ABI2: variants seen among roughly 807,000 people sequenced by gnomAD.
ABI2 encodes abl interactor 2.
In ABI2, 25 loss-of-function variants were observed where a neutral mutation model predicts 59.2. The ratio of observed to expected loss-of-function variants is 0.42; its 90% CI spans 0.31 to 0.59. The LOEUF (loss-of-function observed/expected upper bound fraction) is 0.59, where lower values mean the gene tolerates loss of function less well. Among genes scored for constraint, ABI2 ranks in the 20% least tolerant of loss-of-function variants. The pLI, the probability that ABI2 is intolerant of heterozygous loss-of-function variation, is 0.14. For missense variants in ABI2, 545 were observed against 681.8 expected (o/e 0.80, Z 2.23); for synonymous variants, 213 against 235.5 (o/e 0.90, Z 0.87).
At chr2:203,334,377 T>C (rs1228141639) in intron 1 of ABI2, among the ~76,000 whole-genome samples, 3 of 152,182 alleles carry the variant, frequency 2.0e-5, no homozygotes, top group Non-Finnish European at 4.4e-5. Context: ...AAATATGTAG[T>C]AGAGATATTT....
intron 11 of ABI2, among the ~76,000 whole-genome samples, chr2:203,421,183 G>A (rs2098189595): frequency 6.6e-6 from 1 of 152,106 alleles, no homozygotes; most frequent in Non-Finnish European, 1.5e-5. Flanking sequence ...AGAGTGCATT[G>A]GAGAGGAAAA....
chr2:203,379,036 A>T (rs10197623), intron 2 of ABI2, among the ~76,000 whole-genome samples: 32,255 of 152,112 alleles, frequency 0.21, 3,806 homozygotes, highest in Non-Finnish European at 0.26. Context: ...AGTTTAAAAA[A>T]TTTTGCTTTA....
intron 9 of ABI2, among the ~76,000 whole-genome samples, chr2:203,403,742 GTT>G (rs56123341): frequency 3.1e-5 from 3 of 95,302 alleles, no homozygotes; most frequent in Admixed American, 2.8e-4. Context: ...CTTTCTTTCT[GTT>G]TTTTTTTTTT....
intron 5 of ABI2, 152 bp from the exon 6 acceptor site, chr2:203,394,548 A>T: frequency 3.0e-6 from 2 of 671,046 alleles, no homozygotes; most frequent in South Asian, 2.0e-5. Flanking sequence ...GAGAAGTGAT[A>T]CATTAGTAAA....
At chr2:203,425,883 G>T (rs1193630597) in intron 11 of ABI2, among the ~76,000 whole-genome samples, 1 of 151,866 alleles carries the variant, frequency 6.6e-6, no homozygotes, top group Non-Finnish European at 1.5e-5. Context: ...TTAGCTGTGC[G>T]TGGTGGTGGG....
At chr2:203,384,290 G>GTTTTTTTT (rs796117154) in intron 4 of ABI2, among the ~76,000 whole-genome samples, 1 of 26,110 alleles carries the variant, frequency 3.8e-5, no homozygotes, top group African/African-American at 1.6e-4. Context: ...TTTTGTTTTT[G>GTTTTTTTT]TTTTTTTTTT....
chr2:203,369,015 T>C (rs968695341), intron 2 of ABI2, among the ~76,000 whole-genome samples: 1 of 103,410 alleles, frequency 9.7e-6, no homozygotes, highest in Non-Finnish European at 1.9e-5. Flanking sequence ...TTTTTTTTTT[T>C]TGTAGAGACA....
chr2:203,349,159 C>T (rs1307666069), intron 1 of ABI2, among the ~76,000 whole-genome samples: 1 of 150,804 alleles, frequency 6.6e-6, no homozygotes, highest in Non-Finnish European at 1.5e-5. Flanking sequence ...GCAAGCTGGT[C>T]TCCAACTCCT....
At position 203,430,921 on chromosome 2, in the gene ABI2, T is replaced by A. The variant is rs949342321; in HGVS notation, c.*3569T>A. ...TTGCTTTTATCTTTTTATGTTCATT[T>A]TCTTTTAGTAGGTGACCTTTCTGCA... On this transcript the variant is annotated 3_prime_UTR_variant, in exon 12 of 12. Transcript: ENST00000261018. 7.9e-5 allele frequency: 12 copies of A among 152,256 alleles called. No homozygotes were observed. The highest frequency in any genetic ancestry group is 2.9e-4 in the African/African-American group (12 of 41,468). The allele number at this position is 152,256 out of a possible 1,614,324, so 9.4% of individuals were successfully genotyped here. A position where few individuals can be genotyped will look rare whatever the true frequency, so the allele number is the denominator to read the frequency against.
At chr2:203,410,465 A>G (rs1460277094) in intron 9 of ABI2, among the ~76,000 whole-genome samples, 1 of 151,976 alleles carries the variant, frequency 6.6e-6, no homozygotes, top group East Asian at 1.9e-4. Flanking sequence ...TATTAGTGCA[A>G]TTATATATGT....
chr2:203,368,755 T>C (rs191370475), intron 2 of ABI2, among the ~76,000 whole-genome samples: 1 of 152,220 alleles, frequency 6.6e-6, no homozygotes, highest in East Asian at 1.9e-4. Context: ...TAAGGTAAAT[T>C]TCAGTTGGGA....
intron 8 of ABI2, among the ~76,000 whole-genome samples, chr2:203,399,424 T>C (rs755539158): frequency 1.1e-4 from 17 of 152,204 alleles, no homozygotes; most frequent in Non-Finnish European, 1.9e-4. Context: ...TGAGTTCTTT[T>C]ATATTCTAAA....
At chr2:203,425,287 G>A (rs891979719) in intron 11 of ABI2, among the ~76,000 whole-genome samples, 8 of 151,638 alleles carry the variant, frequency 5.3e-5, no homozygotes, top group Non-Finnish European at 8.8e-5. Context: ...GAAGTGTTGC[G>A]ATCTCAGCTC....
intron 5 of ABI2, among the ~76,000 whole-genome samples, chr2:203,392,333 CAACAACAACAA>C (rs1331409711): frequency 2.6e-5 from 3 of 116,810 alleles, no homozygotes; most frequent in African/African-American, 8.9e-5. Context: ...ACAACAACAA[CAACAACAACAA>C]AACAACCACA....
In ABI2 at chr2:203,389,042, T is replaced by A. The variant is rs1249126920; in HGVS notation, c.481-2004T>A. 2.0e-5 allele frequency among the ~76,000 whole-genome samples: 3 copies of A among 152,196 alleles called. No homozygotes were observed. The East Asian group carries it at 5.8e-4, about 29-fold the overall frequency. ...GAGCTTAAAGGACTTTGGTTACCACTTTAAAAAAATCTTCTGGTTTCAGAA... is the reference window on the plus strand; with the variant it reads ...GAGCTTAAAGGACTTTGGTTACCACATTAAAAAAATCTTCTGGTTTCAGAA... On this transcript the variant is annotated intron_variant, in intron 4 of 11. Transcript: ENST00000261018.
chr2:203,354,079 C>G (rs2090543999), intron 1 of ABI2, among the ~76,000 whole-genome samples: 1 of 152,172 alleles, frequency 6.6e-6, no homozygotes, highest in South Asian at 2.1e-4. Context: ...AGGTTTGACT[C>G]TGTCGCCCAG....
chr2:203,396,845 C>T lies in ABI2; in HGVS notation c.911C>T (p.Pro304Leu), dbSNP rs997571445. 1 of 1,535,318 alleles carries T rather than the reference C, an allele frequency of 6.5e-7. No individual in the cohort carries two copies. The highest frequency in any genetic ancestry group is 1.4e-5 in the African/African-American group (1 of 72,984). Residue 304 changes from proline to leucine, a missense_variant, in exon 8 of 12, where the codon CCT becomes CTT. Pro to Leu is a moderately conservative substitution (Grantham distance 98). This residue lies in a region of ABI2 where 410 missense variants were observed against 435.6 expected (regional missense o/e 0.94). Coordinates refer to ENST00000261018, the MANE Select transcript of ABI2 (RefSeq NM_001375670.1). ...GCTACTTCTGCATCTGCCCCTGCTC[C>T]TCTTGTTCCTGCTACTGTCCCTTCC... ...LPATSASAPAPLVPATVPSST... is the reference protein window; with the variant it reads ...LPATSASAPALLVPATVPSST...
intron 4 of ABI2, among the ~76,000 whole-genome samples, chr2:203,383,996 C>T (rs1037830582): frequency 6.6e-6 from 1 of 152,150 alleles, no homozygotes; most frequent in Non-Finnish European, 1.5e-5. Context: ...GGATTTGACT[C>T]AGAAGAGACC....
At chr2:203,427,048 TG>T (rs2098443601) in intron 11 of ABI2, 128 bp from the exon 12 acceptor site, 1 of 712,436 alleles carries the variant, frequency 1.4e-6, no homozygotes, top group African/African-American at 1.8e-5. Flanking sequence ...AAGTTTTGGT[TG>T]GTGTTTAGAA....
Sources: gnomAD v4.1 joint callset for allele counts (sites outside exome capture counted in the v4.1 genomes callset) on GRCh38, gnomAD v4.1.1 for gene constraint, gnomAD v4.1.1 regional missense constraint, MANE v1.5 for transcripts, NCBI Gene and HGNC (gene_info 2026-07-23, HGNC 2026-07-21) for gene names.